GPR89A: variants seen among roughly 807,000 people sequenced by gnomAD.
GPR89A encodes G protein-coupled receptor 89A.
In GPR89A, 16 loss-of-function variants were observed where a neutral mutation model predicts 52.0. The observed-to-expected ratio is 0.31, with a 90% CI of 0.21 to 0.47. GPR89A has a LOEUF of 0.47. Ranked by LOEUF, GPR89A falls within the 20% of genes least tolerant of loss-of-function variation. The pLI is 1.00. For missense variants in GPR89A, 135 were observed against 449.4 expected (o/e 0.30, Z 6.33); for synonymous variants, 55 against 150.9 (o/e 0.36, Z 4.66).
chr1:145,663,056 G>A (rs1652310854), intron 10 of GPR89A, among the ~76,000 whole-genome samples: 1 of 152,090 alleles, frequency 6.6e-6, no homozygotes, highest in African/African-American at 2.4e-5. Context: ...TTACCTTTCT[G>A]GCTCCTGATA....
chr1:145,659,164 T>C (rs1460037804), intron 10 of GPR89A, among the ~76,000 whole-genome samples: 1 of 151,940 alleles, frequency 6.6e-6, no homozygotes, highest in Non-Finnish European at 1.5e-5. Flanking sequence ...ATGCTAAGTA[T>C]ATGTTTAACC....
At chr1:145,660,711 A>G (rs1451081446) in intron 10 of GPR89A, among the ~76,000 whole-genome samples, 1 of 151,842 alleles carries the variant, frequency 6.6e-6, no homozygotes, top group Non-Finnish European at 1.5e-5. Context: ...AAAAATGCTC[A>G]CCATCACTGG....
At chr1:145,632,956 G>T (rs1405629255) in intron 7 of GPR89A, among the ~76,000 whole-genome samples, 2 of 151,684 alleles carry the variant, frequency 1.3e-5, no homozygotes, top group Non-Finnish European at 2.9e-5. Flanking sequence ...GGTATGAGGT[G>T]ATATCTCATT....
At chr1:145,608,229 C>T in intron 1 of GPR89A, 54 bp downstream of exon 1, 2 of 1,609,080 alleles carry the variant, frequency 1.2e-6, no homozygotes. Flanking sequence ...ACCGAATCGC[C>T]CTCTCCGGTC....
intron 1 of GPR89A, 35 bp from the exon 2 acceptor site, chr1:145,616,199 A>G (rs1553686950): frequency 3.2e-6 from 5 of 1,541,162 alleles, no homozygotes; most frequent in Middle Eastern, 3.4e-4. Flanking sequence ...TCAAAAGAAA[A>G]TATGTATTGA....
intron 4 of GPR89A, among the ~76,000 whole-genome samples, chr1:145,623,385 T>G (rs1649271684): frequency 6.6e-6 from 1 of 152,074 alleles, no homozygotes; most frequent in African/African-American, 2.4e-5. Context: ...ACAGCTTTAT[T>G]TTTCTACCTA....
chr1:145,622,925 A>G lies in GPR89A; in HGVS notation c.207-129A>G, dbSNP rs1478132576. On this transcript the variant is annotated intron_variant, in intron 3 of 13. Coordinates refer to ENST00000313835, the MANE Select transcript of GPR89A (RefSeq NM_001097612.2). ...ACAAATGAGTAGATTTTAAGAGCCT[A>G]GTAGGCTGATTAGATAGGATATATT... 5.6e-6 allele frequency: 8 copies of G among 1,420,402 alleles called. No homozygotes were observed. In the African/African-American group the frequency reaches 7.1e-5, roughly 13 times the overall value. 88.0% of individuals were successfully genotyped at this position (1,420,402 alleles called of 1,614,324 possible).
chr1:145,625,561 G>T (rs1425385163), intron 5 of GPR89A, among the ~76,000 whole-genome samples: 1 of 147,508 alleles, frequency 6.8e-6, no homozygotes. Flanking sequence ...GGATGGTCTC[G>T]AACTCCTGAG....
intron 7 of GPR89A, among the ~76,000 whole-genome samples, chr1:145,634,981 T>G (rs1571497840): frequency 1.3e-5 from 2 of 152,300 alleles, no homozygotes; most frequent in East Asian, 3.9e-4. Flanking sequence ...ATTAAAGTTA[T>G]TATTACCCAT....
At chr1:145,659,029 G>A (rs1316846924) in intron 10 of GPR89A, among the ~76,000 whole-genome samples, 9 of 151,930 alleles carry the variant, frequency 5.9e-5, no homozygotes, top group African/African-American at 1.9e-4. Context: ...CACTAGCCTC[G>A]GCCTCCCAAA....
At chr1:145,649,896 C>G (rs1168311888) in intron 10 of GPR89A, among the ~76,000 whole-genome samples, 1 of 151,980 alleles carries the variant, frequency 6.6e-6, no homozygotes, top group Non-Finnish European at 1.5e-5. Context: ...TTCTTAATGT[C>G]TAATGATATT....
Position 145,646,245 on chromosome 1 carries a change from G to A in GPR89A, c.789G>A (p.Leu263=), listed in dbSNP as rs1553692535. ...AAGAATTAAGCAGGCAGCTTTTTCT[G>A]GAAACAGCTGATCTATATGCTACCA... ...ALEELSRQLF[L]ETADLYATKE... Residue 263 remains leucine, a synonymous_variant, in exon 9 of 14, where the codon CTG becomes CTA. Transcript: ENST00000313835. The A allele has an allele frequency of 1.2e-6, 2 of 1,610,962 alleles. No homozygotes were observed. Among genetic ancestry groups the A allele is most frequent in the South Asian group, 1.1e-5 (1 of 90,904 alleles).
At chr1:145,622,956 T>G in intron 3 of GPR89A, 98 bp from the exon 4 acceptor site, 1 of 1,586,214 alleles carries the variant, frequency 6.3e-7, no homozygotes, top group Non-Finnish European at 8.6e-7. Context: ...ATATTCAATA[T>G]TGAGTCCAAA....
At chr1:145,665,974 A>G (rs2101845100) in intron 12 of GPR89A, among the ~76,000 whole-genome samples, 1 of 151,270 alleles carries the variant, frequency 6.6e-6, no homozygotes, top group South Asian at 2.1e-4. Flanking sequence ...GCCTGGTGAA[A>G]GAGCAACACT....
intron 10 of GPR89A, among the ~76,000 whole-genome samples, chr1:145,648,487 C>CTT (rs782293369): frequency 0.96 from 141,418 of 147,152 alleles, 68,033 homozygotes; most frequent in South Asian, 1. Context: ...GGAAGCATGT[C>CTT]TTTTTTTTTT....
rs1424973572 is a variant in GPR89A, at chr1:145,668,888, G to A, written c.1096-737G>A. Among the ~76,000 whole-genome samples, 4 of 152,176 alleles carry A rather than the reference G, an allele frequency of 2.6e-5. No individual in the cohort carries two copies. In the East Asian group the frequency reaches 7.7e-4, roughly 29 times the overall value. On this transcript the variant is annotated intron_variant, in intron 12 of 13. Transcript: ENST00000313835. ...GGATTATGTTTATTGATTTGCATAT[G>A]TTGAACCAGCCTTGCATCCCAGGGA...
chr1:145,632,421 TC>T (rs1649943471), intron 7 of GPR89A, among the ~76,000 whole-genome samples: 1 of 152,044 alleles, frequency 6.6e-6, no homozygotes, highest in South Asian at 2.1e-4. Flanking sequence ...CCATCCAGCC[TC>T]TGGTAACCAT....
chr1:145,615,017 A>T (rs1210277386), intron 1 of GPR89A, among the ~76,000 whole-genome samples: 5 of 152,232 alleles, frequency 3.3e-5, no homozygotes, highest in Admixed American at 6.5e-5. Flanking sequence ...CATTTTATTC[A>T]TAAAGGTCCT....
At chr1:145,649,458 T>C (rs1416612223) in intron 10 of GPR89A, among the ~76,000 whole-genome samples, 2 of 150,366 alleles carry the variant, frequency 1.3e-5, no homozygotes, top group African/African-American at 4.9e-5. Flanking sequence ...ATTTTATCCA[T>C]GTTATGATTT....
Sources: gnomAD v4.1 joint callset for allele counts (sites outside exome capture counted in the v4.1 genomes callset) on GRCh38, gnomAD v4.1.1 for gene constraint, MANE v1.5 for transcripts, NCBI Gene and HGNC (gene_info 2026-07-23, HGNC 2026-07-21) for gene names.